DCHS2: variants seen among roughly 807,000 people sequenced by gnomAD.
DCHS2 encodes the protein protocadherin-23.
In DCHS2, 142 loss-of-function variants were observed where a neutral mutation model predicts 182.4. The ratio of observed to expected loss-of-function variants is 0.78; its 90% CI spans 0.68 to 0.89. The LOEUF is 0.89. DCHS2 is among the 40% of genes least tolerant of loss of function. DCHS2 has a pLI of 0.00. For missense variants in DCHS2, 4,319 were observed against 4,198.6 expected, an observed-to-expected ratio of 1.03 and a Z score of -0.79; for synonymous variants, 1,740 against 1,663.3, an observed-to-expected ratio of 1.05 and a Z score of -1.12.
intron 1 of DCHS2, among the ~76,000 whole-genome samples, chr4:154,472,912 C>A (rs1735533820): frequency 6.6e-6 from 1 of 152,158 alleles, no homozygotes; most frequent in African/African-American, 2.4e-5. Flanking sequence ...GAAAATCATT[C>A]AACAGAAATG....
chr4:154,351,561 A>G (rs769249541), intron 3 of DCHS2, among the ~76,000 whole-genome samples: 5 of 152,274 alleles, frequency 3.3e-5, no homozygotes, highest in African/African-American at 1.2e-4. Context: ...GCTATTCAAT[A>G]TATTTAACCT....
intron 3 of DCHS2, among the ~76,000 whole-genome samples, chr4:154,365,743 A>G (rs1561069552): frequency 6.6e-6 from 1 of 151,596 alleles, no homozygotes; most frequent in Non-Finnish European, 1.5e-5. Context: ...TCGGTTTCCC[A>G]GGTACAAGGA....
At chr4:154,278,566 G>C (rs1733976928) in intron 13 of DCHS2, among the ~76,000 whole-genome samples, 1 of 151,006 alleles carries the variant, frequency 6.6e-6, no homozygotes, top group African/African-American at 2.4e-5. Context: ...ATCTACGTGA[G>C]AACACATTAA....
chr4:154,417,610 A>C (rs905642816), intron 1 of DCHS2, among the ~76,000 whole-genome samples: 2 of 152,202 alleles, frequency 1.3e-5, no homozygotes, highest in Non-Finnish European at 2.9e-5. Context: ...TATACTAAAA[A>C]CAAAACAAAA....
At chr4:154,275,119 A>T (rs1018424125) in intron 13 of DCHS2, among the ~76,000 whole-genome samples, 6 of 152,080 alleles carry the variant, frequency 3.9e-5, no homozygotes, top group Non-Finnish European at 8.8e-5. Context: ...AACAAATAGT[A>T]GTTTTCCTTA....
chr4:154,450,839 G>GA (rs1048092139), intron 1 of DCHS2, among the ~76,000 whole-genome samples: 2 of 151,548 alleles, frequency 1.3e-5, no homozygotes, highest in African/African-American at 2.4e-5. Context: ...AAAAAAGAAA[G>GA]AAAAAAAAAT....
At chr4:154,392,235 C>G (rs1466089811) in intron 1 of DCHS2, among the ~76,000 whole-genome samples, 1 of 152,090 alleles carries the variant, frequency 6.6e-6, no homozygotes, top group Non-Finnish European at 1.5e-5. Context: ...GCATCTCCCT[C>G]TTTTTTGGGA....
At chr4:154,399,036 CT>C (rs1307787917) in intron 1 of DCHS2, among the ~76,000 whole-genome samples, 1 of 152,124 alleles carries the variant, frequency 6.6e-6, no homozygotes, top group Non-Finnish European at 1.5e-5. Context: ...TGTCTGTGGG[CT>C]TTTTCCATGC....
At chr4:154,270,147 C>G (rs1388319558) in intron 13 of DCHS2, 134 bp from the exon 14 acceptor site, 34 of 1,129,816 alleles carry the variant, frequency 3.0e-5, no homozygotes, top group Non-Finnish European at 3.8e-5. Flanking sequence ...AACTTATTGT[C>G]TTCAATGAGC....
At chr4:154,273,398 C>G (rs1464913632) in intron 13 of DCHS2, among the ~76,000 whole-genome samples, 1 of 151,954 alleles carries the variant, frequency 6.6e-6, no homozygotes, top group Non-Finnish European at 1.5e-5. Flanking sequence ...TATGTGGGAG[C>G]TAAGCTAAGA....
At chr4:154,259,476 T>C in intron 15 of DCHS2, 69 bp downstream of exon 15, 1 of 1,563,782 alleles carries the variant, frequency 6.4e-7, no homozygotes, top group Non-Finnish European at 8.6e-7. Context: ...AATAATTCTC[T>C]CTCTCTCTCT....
chr4:154,487,595 A>G (rs1329694028), intron 1 of DCHS2, among the ~76,000 whole-genome samples: 1 of 152,230 alleles, frequency 6.6e-6, no homozygotes, highest in Non-Finnish European at 1.5e-5. Context: ...CATATACCCA[A>G]AAGATTAAAA....
chr4:154,252,240 G>C (rs982418183), intron 16 of DCHS2, among the ~76,000 whole-genome samples: 1 of 152,044 alleles, frequency 6.6e-6, no homozygotes, highest in Non-Finnish European at 1.5e-5. Flanking sequence ...TTTGATACAG[G>C]CATGCAATGT....
intron 16 of DCHS2, among the ~76,000 whole-genome samples, chr4:154,247,731 C>T (rs2111126122): frequency 6.6e-6 from 1 of 150,394 alleles, no homozygotes; most frequent in East Asian, 1.9e-4. Context: ...AATAACACAG[C>T]AATGCCTTCA....
intron 1 of DCHS2, among the ~76,000 whole-genome samples, chr4:154,404,015 A>C (rs1427730880): frequency 6.6e-6 from 1 of 151,900 alleles, no homozygotes; most frequent in East Asian, 1.9e-4. Flanking sequence ...CAATTTTATT[A>C]GTATTTTCAA....
At chr4:154,254,283 G>A (rs1010825957) in intron 16 of DCHS2, among the ~76,000 whole-genome samples, 2 of 152,192 alleles carry the variant, frequency 1.3e-5, no homozygotes, top group South Asian at 2.1e-4. Context: ...TAAGGTGAAC[G>A]GTTTCTTATA....
chr4:154,408,868 A>G (rs1230987484), intron 1 of DCHS2, among the ~76,000 whole-genome samples: 1 of 152,174 alleles, frequency 6.6e-6, no homozygotes, highest in Non-Finnish European at 1.5e-5. Flanking sequence ...TTTGACACCT[A>G]CAGACCTCAC....
intron 1 of DCHS2, among the ~76,000 whole-genome samples, chr4:154,432,274 G>A (rs1733590623): frequency 6.6e-6 from 1 of 152,126 alleles, no homozygotes; most frequent in South Asian, 2.1e-4. Context: ...TATTCCTAGA[G>A]TCAGGCATGC....
chr4:154,271,049 C>A (rs11726919), intron 13 of DCHS2, among the ~76,000 whole-genome samples: 1 of 151,900 alleles, frequency 6.6e-6, no homozygotes, highest in East Asian at 1.9e-4. Context: ...TTTTAAGTTA[C>A]GGGAACAGAC....
Sources: gnomAD v4.1 joint callset for allele counts (sites outside exome capture counted in the v4.1 genomes callset) on GRCh38, gnomAD v4.1.1 for gene constraint, MANE v1.5 for transcripts, NCBI Gene and HGNC (gene_info 2026-07-23, HGNC 2026-07-21) for gene names.